Variants in CCDC178 observed in about 807,000 individuals in gnomAD.
CCDC178 encodes coiled-coil domain containing 178.
In CCDC178, 126 loss-of-function variants were observed where a neutral mutation model predicts 117.4. The ratio of observed to expected loss-of-function variants is 1.07; its 90% confidence interval spans 0.93 to 1.24. The LOEUF is 1.24. CCDC178 is among the 50% of genes most tolerant of loss of function. The pLI is 0.00. For missense variants in CCDC178, 1,030 were observed against 986.9 expected, an observed-to-expected ratio of 1.04 and a Z score of -0.59; for synonymous variants, 283 against 313.4, an observed-to-expected ratio of 0.90 and a Z score of 1.02.
intron 21 of CCDC178, among the ~76,000 whole-genome samples, chr18:32,997,717 T>C (rs1313630349): frequency 6.6e-6 from 1 of 151,974 alleles, no homozygotes; most frequent in Non-Finnish European, 1.5e-5. Context: ...CGTCTATCTA[T>C]CTGTCTGACT....
chr18:33,253,995 G>T (rs149416520), intron 14 of CCDC178, among the ~76,000 whole-genome samples: 1 of 151,738 alleles, frequency 6.6e-6, no homozygotes, highest in Non-Finnish European at 1.5e-5. Context: ...AATTAAAATA[G>T]TATATAAAGA....
At chr18:33,309,072 T>C (rs2144942813) in intron 11 of CCDC178, among the ~76,000 whole-genome samples, 1 of 152,312 alleles carries the variant, frequency 6.6e-6, no homozygotes, top group African/African-American at 2.4e-5. Flanking sequence ...TACATTTTTA[T>C]CTTGGTTTAA....
chr18:33,083,345 T>C (rs1166873770), intron 21 of CCDC178, among the ~76,000 whole-genome samples: 2 of 152,206 alleles, frequency 1.3e-5, no homozygotes, highest in Non-Finnish European at 2.9e-5. Flanking sequence ...TAATGTTCCT[T>C]AGAGATAAAG....
At chr18:33,330,737 C>T (rs573814929) in intron 10 of CCDC178, among the ~76,000 whole-genome samples, 9 of 152,224 alleles carry the variant, frequency 5.9e-5, no homozygotes, top group African/African-American at 2.2e-4. Context: ...GGAAAGGTTG[C>T]TGTCCCAGTC....
chr18:33,133,982 AATG>A (rs1017045734), intron 20 of CCDC178, among the ~76,000 whole-genome samples: 3 of 152,040 alleles, frequency 2.0e-5, no homozygotes, highest in African/African-American at 7.2e-5. Flanking sequence ...AGTAGGCTAA[AATG>A]ATGATGATTT....
intron 7 of CCDC178, among the ~76,000 whole-genome samples, chr18:33,350,537 C>G (rs2062961128): frequency 6.6e-6 from 1 of 152,050 alleles, no homozygotes. Context: ...TATAAGTGAC[C>G]TTTCGTGACT....
chr18:33,264,917 T>A (rs2144760139), intron 14 of CCDC178, among the ~76,000 whole-genome samples: 1 of 150,404 alleles, frequency 6.6e-6, no homozygotes, highest in South Asian at 2.1e-4. Flanking sequence ...TGTGTGTTAC[T>A]GCAGAATAAT....
Position 33,212,005 on chromosome 18 carries a change from AAC to A in CCDC178, c.2127_2128del (p.Phe710Ter), listed in dbSNP as rs1232518273. ...TTTTTTCTCTTGCATATAATGATCA[AAC>A]ACAGTTTGTGCATGTTCCCTTTTAA... On this transcript the variant is annotated frameshift_variant, in exon 20 of 23. Transcript: ENST00000383096. LOFTEE classifies it high-confidence loss of function. 10 of 1,606,338 alleles carry A rather than the reference AAC, an allele frequency of 6.2e-6. No homozygotes were observed. Among genetic ancestry groups the A allele is most frequent in the Non-Finnish European group, 8.5e-6 (10 of 1,176,644 alleles).
chr18:33,341,935 T>A (rs2062822203), intron 9 of CCDC178, among the ~76,000 whole-genome samples: 1 of 152,106 alleles, frequency 6.6e-6, no homozygotes, highest in Non-Finnish European at 1.5e-5. Flanking sequence ...TAAAAAAAAC[T>A]CAGTAAATGA....
At chr18:33,417,316 C>T (rs1359056786) in intron 2 of CCDC178, among the ~76,000 whole-genome samples, 1 of 152,020 alleles carries the variant, frequency 6.6e-6, no homozygotes, top group East Asian at 1.9e-4. Flanking sequence ...ACTAATTATG[C>T]TGAGTGAAAA....
chr18:33,417,102 A>G (rs1166777538), intron 2 of CCDC178, among the ~76,000 whole-genome samples: 1 of 152,196 alleles, frequency 6.6e-6, no homozygotes, highest in Non-Finnish European at 1.5e-5. Flanking sequence ...GCACTCTTAA[A>G]CATATATCCC....
chr18:33,182,639 G>A (rs1292638655), intron 20 of CCDC178, among the ~76,000 whole-genome samples: 1 of 151,918 alleles, frequency 6.6e-6, no homozygotes, highest in Non-Finnish European at 1.5e-5. Context: ...AGGAATGTAT[G>A]CATAGTCTCT....
Position 33,092,911 on chromosome 18 carries a change from C to A in CCDC178, c.2239-1G>T. On this transcript the variant is annotated splice_acceptor_variant, in intron 20 of 22. Coordinates refer to ENST00000383096, the MANE Select transcript of CCDC178 (RefSeq NM_001105528.4). LOFTEE classifies it high-confidence loss of function. ...CTTCAAGTGAATCAGCTATTATTTT[C>A]TAGAAGGTAAAAAAATATAATTGAA... 1 of 1,523,116 alleles carries A rather than the reference C, an allele frequency of 6.6e-7. No homozygotes were observed. The highest frequency in any genetic ancestry group is 8.9e-7 in the Non-Finnish European group (1 of 1,129,428). The allele number at this position is 1,523,116 out of a possible 1,614,324, so 94.4% of individuals were successfully genotyped here. A position where few individuals can be genotyped will look rare whatever the true frequency, so the allele number is the denominator to read the frequency against.
At chr18:33,117,568 C>T (rs931637950) in intron 20 of CCDC178, among the ~76,000 whole-genome samples, 12 of 151,518 alleles carry the variant, frequency 7.9e-5, no homozygotes, top group African/African-American at 1.2e-4. Context: ...CGGGGCCTGT[C>T]GTGGGGTGGG....
rs187271427 is a variant in CCDC178 at position 33,349,305 on chromosome 18, G to T, written c.372-330C>A. On this transcript the variant is annotated intron_variant, in intron 7 of 22. Transcript: ENST00000383096. The stretch of plus-strand genomic sequence containing the variant: ...TTCTGTGAGAATAATTTGGATGAAT[G>T]ATTTCTGTAATTTCAGTTCAGTAGT... Among the ~76,000 whole-genome samples the T allele has an allele frequency of 2.5e-3, 380 of 151,978 alleles. 3 individuals are homozygous for T. The highest frequency in any genetic ancestry group is 8.5e-3 in the African/African-American group (354 of 41,544).
At chr18:33,386,829 C>T (rs997065984) in intron 5 of CCDC178, among the ~76,000 whole-genome samples, 1 of 152,126 alleles carries the variant, frequency 6.6e-6, no homozygotes, top group Non-Finnish European at 1.5e-5. Flanking sequence ...CCCTCACTCA[C>T]CACTCTTATT....
intron 3 of CCDC178, among the ~76,000 whole-genome samples, chr18:33,405,127 A>G (rs945223944): frequency 1.4e-4 from 21 of 152,078 alleles, no homozygotes; most frequent in Admixed American, 6.6e-4. Context: ...TTAATTTTAA[A>G]AAGCTAAACA....
chr18:33,052,356 A>C (rs922630497), intron 21 of CCDC178, among the ~76,000 whole-genome samples: 2 of 152,212 alleles, frequency 1.3e-5, no homozygotes, highest in Admixed American at 6.5e-5. Flanking sequence ...TTCTTTGTCA[A>C]CTTAGGTAAA....
Position 33,204,555 on chromosome 18 carries a change from T to C in CCDC178, c.2238+7341A>G, listed in dbSNP as rs1444458808. ...CTCGAAGGCACATCTTGTAATTATT[T>C]TCTTTTACAGTTAAGGACTGAGATT... On this transcript the variant is annotated intron_variant, in intron 20 of 22. Coordinates refer to ENST00000383096, the MANE Select transcript of CCDC178 (RefSeq NM_001105528.4). Among the ~76,000 whole-genome samples, 5 of 152,176 alleles carry C rather than the reference T, an allele frequency of 3.3e-5. No individual in the cohort carries two copies. The East Asian group carries it at 9.6e-4, about 29-fold the overall frequency.
Sources: allele counts gnomAD v4.1 joint callset (sites outside exome capture counted in the v4.1 genomes callset), GRCh38; gene constraint gnomAD v4.1.1; transcripts MANE v1.5; gene names NCBI Gene and HGNC (gene_info 2026-07-23, HGNC 2026-07-21).